The following PCLO variants were observed in gnomAD, a reference collection of about 807,000 sequenced individuals.
PCLO encodes piccolo presynaptic cytomatrix protein.
In PCLO, 82 loss-of-function variants were observed where a neutral mutation model predicts 427.5. The observed-to-expected ratio is 0.19, with a 90% CI of 0.16 to 0.23. The LOEUF (loss-of-function observed/expected upper bound fraction) is 0.23, where lower values mean the gene tolerates loss of function less well. PCLO is among the 10% of genes least tolerant of loss of function. PCLO has a pLI of 1.00. For missense variants in PCLO, 6,239 were observed against 6,115.9 expected (o/e 1.02, Z -0.67); for synonymous variants, 2,357 against 2,155.4 (o/e 1.09, Z -2.59).
At chr7:82,941,147 T>C (rs1795076303) in intron 6 of PCLO, among the ~76,000 whole-genome samples, 1 of 152,082 alleles carries the variant, frequency 6.6e-6, no homozygotes, top group Non-Finnish European at 1.5e-5. Flanking sequence ...TAGGTGAAAT[T>C]AAAATAGAAG....
intron 22 of PCLO, among the ~76,000 whole-genome samples, chr7:82,765,253 G>A (rs1790509461): frequency 6.6e-6 from 1 of 151,744 alleles, no homozygotes; most frequent in Non-Finnish European, 1.5e-5. Flanking sequence ...ATCATTTCAA[G>A]TAATGATTAG....
intron 3 of PCLO, among the ~76,000 whole-genome samples, chr7:83,012,515 G>T (rs976840462): frequency 2.0e-5 from 3 of 151,288 alleles, no homozygotes; most frequent in Non-Finnish European, 4.4e-5. Flanking sequence ...TACTCAGGAG[G>T]CTGAGGCAGG....
intron 3 of PCLO, among the ~76,000 whole-genome samples, chr7:83,012,266 T>C (rs146734222): frequency 6.6e-6 from 1 of 152,154 alleles, no homozygotes; most frequent in African/African-American, 2.4e-5. Context: ...TACTACTGAG[T>C]TCCTATCAAT....
At chr7:82,814,937 A>G (rs772009771) in intron 20 of PCLO, among the ~76,000 whole-genome samples, 56 of 152,108 alleles carry the variant, frequency 3.7e-4, no homozygotes, top group African/African-American at 6.7e-4. Context: ...ACTGATTAGC[A>G]TCAGTTTCTT....
rs1247370180 is a variant in PCLO at position 82,786,992 on chromosome 7, GATAGGC to G, written c.15007+14520_15007+14525del. On this transcript the variant is annotated intron_variant, in intron 22 of 24. Transcript: ENST00000333891. ...CGTTTTCTTTATCCAGTCTATCACTGATAGGCGTTTGGGTTGGTTCCAAGTCTTTTC... is the reference window on the plus strand; with the variant it reads ...CGTTTTCTTTATCCAGTCTATCACTGGTTTGGGTTGGTTCCAAGTCTTTTC... Among the ~76,000 whole-genome samples the G allele has an allele frequency of 4.7e-3, 709 of 152,116 alleles. 13 individuals are homozygous for G. Among genetic ancestry groups the G allele is most frequent in the Non-Finnish European group, 2.9e-3 (198 of 67,988 alleles).
intron 6 of PCLO, among the ~76,000 whole-genome samples, chr7:82,924,808 G>T (rs765410452): frequency 4.0e-5 from 6 of 151,320 alleles, no homozygotes; most frequent in Non-Finnish European, 7.4e-5. Flanking sequence ...AATAACTTAA[G>T]AAAAAAAGGA....
chr7:82,813,891 T>G (rs2115587108), intron 20 of PCLO, among the ~76,000 whole-genome samples: 1 of 152,006 alleles, frequency 6.6e-6, no homozygotes, highest in Non-Finnish European at 1.5e-5. Flanking sequence ...CCATTTTTCC[T>G]CAAATTTGAA....
intron 3 of PCLO, among the ~76,000 whole-genome samples, chr7:83,114,470 C>G (rs1489743255): frequency 6.6e-6 from 1 of 151,900 alleles, no homozygotes; most frequent in East Asian, 1.9e-4. Context: ...GAGTATAGTC[C>G]TACATTAGAA....
At position 82,950,155 on chromosome 7, in the gene PCLO, T is replaced by C; in HGVS notation, c.10433A>G (p.Asp3478Gly). 6.2e-7 allele frequency: 1 copy of C among 1,610,868 alleles called. No homozygotes were observed. Among genetic ancestry groups the C allele is most frequent in the Non-Finnish European group, 8.5e-7 (1 of 1,179,380 alleles). Reference protein sequence around the residue: ...VDTSVQTDDEDQDEWDMPTRS... With the variant: ...VDTSVQTDDEGQDEWDMPTRS... ...AGTAGGCATATCCCACTCATCCTGA[T>C]CTTCATCATCAGTTTGGACGCTTGT... Residue 3478 changes from aspartate (D) to glycine (G), a missense_variant, in exon 6 of 25, where the codon GAT becomes GGT. Around this residue, in one of 5 missense-constraint regions of PCLO, gnomAD observed 4,677 missense variants for 4,468.4 expected, o/e 1.05. Coordinates refer to ENST00000333891, the MANE Select transcript of PCLO (RefSeq NM_033026.6).
At chr7:82,928,435 AG>A (rs1794764766) in intron 6 of PCLO, among the ~76,000 whole-genome samples, 1 of 152,196 alleles carries the variant, frequency 6.6e-6, no homozygotes, top group Admixed American at 6.5e-5. Flanking sequence ...AAAACTACAC[AG>A]GTCTGTTAAG....
chr7:83,112,041 T>TG (rs1791016944), intron 3 of PCLO, among the ~76,000 whole-genome samples: 1 of 151,436 alleles, frequency 6.6e-6, no homozygotes, highest in Non-Finnish European at 1.5e-5. Context: ...TGGGTTTTTT[T>TG]GTTGTTTTTT....
intron 3 of PCLO, among the ~76,000 whole-genome samples, chr7:83,027,333 C>G (rs1367617438): frequency 1.5e-4 from 22 of 151,016 alleles, no homozygotes; most frequent in Non-Finnish European, 3.0e-4. Context: ...AACACCTCTA[C>G]GCAAATAATC....
intron 1 of PCLO, among the ~76,000 whole-genome samples, chr7:83,161,291 T>G (rs1388374454): frequency 1.3e-5 from 2 of 152,208 alleles, no homozygotes; most frequent in Admixed American, 6.5e-5. Context: ...ATCCAGGTCT[T>G]TCGTGCTTAC....
chr7:82,926,541 A>T (rs990298636), intron 6 of PCLO, among the ~76,000 whole-genome samples: 3 of 152,164 alleles, frequency 2.0e-5, no homozygotes, highest in Admixed American at 6.5e-5. Context: ...ATACATAAAA[A>T]AATTCTCTAA....
At chr7:83,012,552 G>T (rs77090216) in intron 3 of PCLO, among the ~76,000 whole-genome samples, 32,660 of 148,260 alleles carry the variant, frequency 0.22, 3,650 homozygotes, top group South Asian at 0.3. Flanking sequence ...AGGAGGCAGA[G>T]GTTGCGGTGA....
At chr7:83,009,837 A>C (rs1168330480) in intron 3 of PCLO, among the ~76,000 whole-genome samples, 1 of 151,996 alleles carries the variant, frequency 6.6e-6, no homozygotes, top group Non-Finnish European at 1.5e-5. Flanking sequence ...CATTCTCTAA[A>C]TACTAGAATA....
chr7:82,872,411 T>C (rs907777003), intron 10 of PCLO, among the ~76,000 whole-genome samples: 3 of 151,946 alleles, frequency 2.0e-5, no homozygotes, highest in African/African-American at 7.2e-5. Context: ...TGGGAAACCA[T>C]TGCACAACAG....
At position 83,056,591 on chromosome 7, in the gene PCLO, T is replaced by C. The variant is rs145684075; in HGVS notation, c.3300+77659A>G. Among the ~76,000 whole-genome samples, 655 of 152,310 alleles carry C rather than the reference T, an allele frequency of 4.3e-3. 1 individual carries two copies. Among genetic ancestry groups the C allele is most frequent in the African/African-American group, 0.014 (591 of 41,568 alleles). On this transcript the variant is annotated intron_variant, in intron 3 of 24. Coordinates refer to ENST00000333891, the MANE Select transcript of PCLO (RefSeq NM_033026.6). ...AGAAAATATTCAGCTCCTACTCTCATCTATATGTATATTCTGAGGTTATTT... is the reference window on the plus strand; with the variant it reads ...AGAAAATATTCAGCTCCTACTCTCACCTATATGTATATTCTGAGGTTATTT...
chr7:82,795,321 G>A (rs1791202201), intron 22 of PCLO, among the ~76,000 whole-genome samples: 1 of 151,976 alleles, frequency 6.6e-6, no homozygotes. Flanking sequence ...TGTCTATTTT[G>A]TGTAATTTAA....
Sources: allele counts gnomAD v4.1 joint callset (sites outside exome capture counted in the v4.1 genomes callset), GRCh38; gene constraint gnomAD v4.1.1; regional missense constraint gnomAD v4.1.1; transcripts MANE v1.5; gene names NCBI Gene and HGNC (gene_info 2026-07-23, HGNC 2026-07-21).